Variants in EEF1E1 observed in about 807,000 individuals in gnomAD.
EEF1E1 encodes the protein eukaryotic translation elongation factor 1 epsilon 1.
Under a neutral mutation model 19.9 loss-of-function variants are expected in EEF1E1, and 19 were observed. The observed-to-expected ratio is 0.95, with a 90% CI of 0.66 to 1.40. EEF1E1 has a LOEUF of 1.40. Ranked by LOEUF, EEF1E1 falls within the 40% of genes most tolerant of loss-of-function variation. The probability of loss-of-function intolerance (pLI) is 0.00; values close to 1 mark genes in which losing one functional copy is unlikely to be tolerated. For synonymous variants in EEF1E1, 81 were observed against 80.0 expected, an observed-to-expected ratio of 1.01 and a Z score of -0.07; for missense variants, 198 against 202.2, an observed-to-expected ratio of 0.98 and a Z score of 0.13.
At chr6:8,078,712 T>G, downstream of EEF1E1, 2 of 1,286,470 alleles carry the variant, frequency 1.6e-6, no homozygotes, top group East Asian at 5.6e-5. Flanking sequence ...AATCCTCATT[T>G]TCTTATAAAC....
intron 1 of EEF1E1, among the ~76,000 whole-genome samples, chr6:8,100,877 C>T (rs1283385336): frequency 1.3e-5 from 2 of 148,692 alleles, no homozygotes; most frequent in African/African-American, 2.5e-5. Context: ...AAATTATTTG[C>T]TGATGATTGT....
At chr6:8,081,429 T>C (rs1757721944) in intron 3 of EEF1E1, among the ~76,000 whole-genome samples, 1 of 152,210 alleles carries the variant, frequency 6.6e-6, no homozygotes, top group Non-Finnish European at 1.5e-5. Context: ...TTATGAAAAT[T>C]CATGGTTTCA....
At position 8,079,626 on chromosome 6, in the gene EEF1E1, A is replaced by T; in HGVS notation, c.*264T>A. The T allele has an allele frequency of 8.9e-7, 1 of 1,118,526 alleles. No individual in the cohort carries two copies. The highest frequency in any genetic ancestry group is 1.1e-6 in the Non-Finnish European group (1 of 912,882). The allele number at this position is 1,118,526 out of a possible 1,614,324, so 69.3% of individuals were successfully genotyped here. A position where few individuals can be genotyped will look rare whatever the true frequency, so the allele number is the denominator to read the frequency against. On this transcript the variant is annotated 3_prime_UTR_variant, in exon 4 of 4. Transcript: ENST00000379715. The stretch of plus-strand genomic sequence containing the variant: ...TAAGCCCGATTTGCAACTTTTATTG[A>T]AATAAATGTCATCTACTAAAAACAA...
intron 3 of EEF1E1, among the ~76,000 whole-genome samples, chr6:8,086,035 T>C (rs1428326337): frequency 1.3e-5 from 2 of 152,136 alleles, no homozygotes; most frequent in Non-Finnish European, 1.5e-5. Flanking sequence ...TTAAAACTCA[T>C]AATAGTTTTA....
intron 3 of EEF1E1, among the ~76,000 whole-genome samples, chr6:8,082,102 T>C (rs1196571327): frequency 6.6e-6 from 1 of 152,202 alleles, no homozygotes; most frequent in Admixed American, 6.5e-5. Context: ...TACAGGCCTA[T>C]TATTTAAAGA....
intron 3 of EEF1E1, among the ~76,000 whole-genome samples, chr6:8,073,938 G>C (rs1025917992): frequency 6.6e-6 from 1 of 152,086 alleles, no homozygotes; most frequent in Non-Finnish European, 1.5e-5. Flanking sequence ...CTTTATTCTG[G>C]GTGCCCTCCG....
At chr6:8,091,460 C>T (rs188661335) in intron 2 of EEF1E1, among the ~76,000 whole-genome samples, 6 of 152,326 alleles carry the variant, frequency 3.9e-5, no homozygotes, top group South Asian at 4.1e-4. Flanking sequence ...ATATGATTTA[C>T]AAATATTTTC....
intron 3 of EEF1E1, among the ~76,000 whole-genome samples, chr6:8,084,287 A>G: frequency 6.6e-6 from 1 of 152,164 alleles, no homozygotes; most frequent in East Asian, 1.9e-4. Flanking sequence ...AACCTGCCTA[A>G]AAACCAAGTA....
intron 3 of EEF1E1, 98 bp downstream of exon 3, chr6:8,090,088 T>C (rs1400885536): frequency 2.9e-6 from 3 of 1,031,108 alleles, no homozygotes; most frequent in East Asian, 2.9e-5. Flanking sequence ...TTTTATTTGA[T>C]AAGCCAAAAA....
chr6:8,080,479 A>C (rs1757698076), intron 3 of EEF1E1, among the ~76,000 whole-genome samples: 1 of 152,222 alleles, frequency 6.6e-6, no homozygotes, highest in African/African-American at 2.4e-5. Context: ...ACTCAGATGA[A>C]GGAGGCTGAG....
downstream of EEF1E1, among the ~76,000 whole-genome samples, chr6:8,077,752 C>T (rs571671092): frequency 2.0e-4 from 30 of 152,310 alleles, 1 homozygote; most frequent in South Asian, 5.6e-3. Flanking sequence ...AAGGCTGTTT[C>T]GCTTTCCTAT....
At chr6:8,099,546 A>C (rs1471370395) in intron 1 of EEF1E1, among the ~76,000 whole-genome samples, 1 of 152,186 alleles carries the variant, frequency 6.6e-6, no homozygotes, top group East Asian at 1.9e-4. Context: ...CGGGAGTATG[A>C]GACTAGCCTA....
rs965377342 is a variant in EEF1E1 at position 8,079,512 on chromosome 6, A to G, written c.*378T>C. The G allele has an allele frequency of 4.0e-6, 4 of 995,530 alleles. No homozygotes were observed. The South Asian group carries it at 1.8e-4, about 45-fold the overall frequency. 61.7% of individuals were successfully genotyped at this position (995,530 alleles called of 1,614,324 possible). A position where few individuals can be genotyped will look rare whatever the true frequency, so the allele number is the denominator to read the frequency against. On this transcript the variant is annotated 3_prime_UTR_variant, in exon 4 of 4. Coordinates refer to ENST00000379715, the MANE Select transcript of EEF1E1 (RefSeq NM_004280.5). The stretch of plus-strand genomic sequence containing the variant: ...TCTTAACAAACTACCATAAATATCC[A>G]TAAGGGGAAAATGAATTTTAGAATA...
intron 1 of EEF1E1, among the ~76,000 whole-genome samples, chr6:8,101,563 T>C (rs1481881599): frequency 2.0e-5 from 3 of 151,748 alleles, no homozygotes; most frequent in Non-Finnish European, 4.4e-5. Flanking sequence ...CTAGACAAGA[T>C]CTTCACATGG....
intron 2 of EEF1E1, among the ~76,000 whole-genome samples, chr6:8,091,527 T>C (rs1758010725): frequency 6.6e-6 from 1 of 152,242 alleles, no homozygotes; most frequent in African/African-American, 2.4e-5. Context: ...TGTCCAGAAA[T>C]GTTTAATTTT....
chr6:8,099,791 C>CACACACACACACAAAAAA (rs768224090), intron 1 of EEF1E1, among the ~76,000 whole-genome samples: 2 of 114,628 alleles, frequency 1.7e-5, no homozygotes, highest in African/African-American at 6.6e-5. Context: ...CACACACACA[C>CACACACACACACAAAAAA]AAAAAAAAAA....
chr6:8,077,710 CA>C (rs1208040455), downstream of EEF1E1, among the ~76,000 whole-genome samples: 1 of 152,220 alleles, frequency 6.6e-6, no homozygotes, highest in East Asian at 1.9e-4. Context: ...ATCTTCTATC[CA>C]GACCACTCAA....
intron 2 of EEF1E1, among the ~76,000 whole-genome samples, chr6:8,090,502 GA>G (rs1468858261): frequency 6.6e-5 from 10 of 151,992 alleles, no homozygotes; most frequent in Admixed American, 1.3e-4. Context: ...AAATAAACAA[GA>G]AAACATTAGA....
intron 1 of EEF1E1, among the ~76,000 whole-genome samples, chr6:8,101,219 T>A (rs1758341507): frequency 2.6e-5 from 1 of 38,546 alleles, no homozygotes. Flanking sequence ...CAGTGAGACT[T>A]TGTCTCAAAA....
Sources: gnomAD v4.1 joint callset for allele counts (sites outside exome capture counted in the v4.1 genomes callset) on GRCh38, gnomAD v4.1.1 for gene constraint, MANE v1.5 for transcripts, NCBI Gene and HGNC (gene_info 2026-07-23, HGNC 2026-07-21) for gene names.